Variants in KIAA1549 observed in about 807,000 individuals in gnomAD.
KIAA1549 encodes UPF0606 protein KIAA1549.
In KIAA1549, 70 loss-of-function variants were observed where a neutral mutation model predicts 156.4. The observed-to-expected ratio is 0.45, with a 90% CI of 0.37 to 0.55. The LOEUF (loss-of-function observed/expected upper bound fraction) is 0.55. KIAA1549 is among the 20% of genes least tolerant of loss of function. The pLI, the probability that KIAA1549 is intolerant of heterozygous loss-of-function variation, is 0.00. For missense variants in KIAA1549, 2,428 were observed against 2,540.9 expected, an observed-to-expected ratio of 0.96 and a Z score of 0.96; for synonymous variants, 1,103 against 1,066.4, an observed-to-expected ratio of 1.03 and a Z score of -0.67.
chr7:138,842,275 T>C (rs965578558), intron 18 of KIAA1549, among the ~76,000 whole-genome samples: 5 of 152,194 alleles, frequency 3.3e-5, no homozygotes, highest in East Asian at 1.9e-4. Flanking sequence ...TGAGTCAGCA[T>C]TGAGCCCAGC....
At position 138,837,548 on chromosome 7, in the gene KIAA1549, T is replaced by A; in HGVS notation, c.*358A>T. On this transcript the variant is annotated 3_prime_UTR_variant, in exon 20 of 20. Coordinates refer to ENST00000422774, the MANE Select transcript of KIAA1549 (RefSeq NM_001164665.2). ...ACCAGTCTCAATCCCACAGAAACGC[T>A]TGGTTCCTTTCATCCCTATGCTGTC... 2.7e-6 allele frequency: 1 copy of A among 373,706 alleles called. No individual in the cohort carries two copies. Among genetic ancestry groups the A allele is most frequent in the Non-Finnish European group, 4.8e-6 (1 of 209,186 alleles). 23.1% of individuals were successfully genotyped at this position (373,706 alleles called of 1,614,324 possible). A position where few individuals can be genotyped will look rare whatever the true frequency, so the allele number is the denominator to read the frequency against.
At chr7:138,903,869 G>A (rs965614680) in intron 7 of KIAA1549, 133 bp from the exon 8 acceptor site, 23 of 647,866 alleles carry the variant, frequency 3.6e-5, no homozygotes, top group Admixed American at 1.5e-4. Flanking sequence ...GCGCGCGCGC[G>A]CACATATGTA....
chr7:138,946,919 C>A (rs1231193906), intron 1 of KIAA1549, among the ~76,000 whole-genome samples: 2 of 152,210 alleles, frequency 1.3e-5, no homozygotes, highest in African/African-American at 2.4e-5. Context: ...AGACTCACTG[C>A]AGCTTTACTG....
At position 138,841,379 on chromosome 7, in the gene KIAA1549, C is replaced by T. The variant is rs929171955; in HGVS notation, c.5453-1101G>A. On this transcript the variant is annotated intron_variant, in intron 18 of 19. Coordinates refer to ENST00000422774, the MANE Select transcript of KIAA1549 (RefSeq NM_001164665.2). ...AACCACTCCCCCAGCCTCACTGGTG[C>T]GGTGAGCTGATGGCAGAGCCAGAGG... is the stretch of plus-strand genomic sequence containing the variant. Among the ~76,000 whole-genome samples, 7 of 152,254 alleles carry T rather than the reference C, an allele frequency of 4.6e-5. No homozygotes were observed. The South Asian group carries it at 1.0e-3, about 23-fold the overall frequency.
At chr7:138,894,199 A>G in intron 10 of KIAA1549, 143 bp downstream of exon 10, 1 of 755,352 alleles carries the variant, frequency 1.3e-6, no homozygotes, top group South Asian at 1.8e-5. Context: ...AACAAAGGCA[A>G]AGTGATACCA....
intron 1 of KIAA1549, among the ~76,000 whole-genome samples, chr7:138,936,547 C>T (rs376485620): frequency 2.0e-4 from 30 of 152,330 alleles, no homozygotes; most frequent in African/African-American, 7.0e-4. Context: ...TGCTTCTTCG[C>T]TCACTCTGGG....
At chr7:138,949,873 G>A (rs1430195569) in intron 1 of KIAA1549, among the ~76,000 whole-genome samples, 1 of 152,216 alleles carries the variant, frequency 6.6e-6, no homozygotes, top group Non-Finnish European at 1.5e-5. Flanking sequence ...GGCAATTCAC[G>A]CAATATCACG....
intron 1 of KIAA1549, among the ~76,000 whole-genome samples, chr7:138,925,874 TA>T (rs1246038835): frequency 1.4e-5 from 2 of 146,554 alleles, no homozygotes; most frequent in Non-Finnish European, 3.0e-5. Flanking sequence ...TAAACTATGT[TA>T]GAGTACAATT....
In KIAA1549 at chr7:138,861,301, A is replaced by G. The variant is rs1009885317; in HGVS notation, c.5085T>C (p.Phe1695=). The change falls in exon 16 of 20, where the codon TTT becomes TTC. Residue 1695 remains phenylalanine (F), a synonymous_variant. Transcript: ENST00000422774. ...QTMHSLLDDA[F]ALVAPSSQPA... is the part of the protein sequence containing the mutation. ...GCTGGCTGCTGGGGGCCACGAGGGC[A>G]AAGGCGTCGTCCAGGAGGGAGTGCA... 1.3e-4 allele frequency: 204 copies of G among 1,608,948 alleles called. No individual in the cohort carries two copies. Among genetic ancestry groups the G allele is most frequent in the Non-Finnish European group, 1.7e-4 (196 of 1,178,312 alleles).
chr7:138,978,037 C>T (rs879151481), intron 1 of KIAA1549, among the ~76,000 whole-genome samples: 1 of 152,120 alleles, frequency 6.6e-6, no homozygotes, highest in South Asian at 2.1e-4. Flanking sequence ...ATCAGCATTA[C>T]TTACAGCAAC....
intron 2 of KIAA1549, among the ~76,000 whole-genome samples, chr7:138,913,050 A>T (rs1812214951): frequency 6.6e-6 from 1 of 152,016 alleles, no homozygotes; most frequent in Non-Finnish European, 1.5e-5. Context: ...AATTTTTTGT[A>T]CTTTTAGTAG....
At chr7:138,875,059 T>C (rs1470704280) in intron 12 of KIAA1549, among the ~76,000 whole-genome samples, 1 of 152,192 alleles carries the variant, frequency 6.6e-6, no homozygotes, top group Non-Finnish European at 1.5e-5. Context: ...GTAGGCACTG[T>C]AGGGTAACTC....
In KIAA1549 at chr7:138,919,084, C is replaced by T; in HGVS notation, c.542G>A (p.Ser181Asn). 1 of 1,613,974 alleles carries T rather than the reference C, an allele frequency of 6.2e-7. No individual in the cohort carries two copies. Among genetic ancestry groups the T allele is most frequent in the South Asian group, 1.1e-5 (1 of 91,078 alleles). Residue 181 changes from serine (S) to asparagine (N), a missense_variant, in exon 2 of 20, where the codon AGC becomes AAC. Coordinates refer to ENST00000422774, the MANE Select transcript of KIAA1549 (RefSeq NM_001164665.2). ...TGCTTCCCTGGGCAGCCCTGGTGGG[C>T]TGACTGTGATATACTGTATTGGAGA... Reference protein sequence around the residue: ...MVSPIQYITVSPPGLPREALE... With the variant: ...MVSPIQYITVNPPGLPREALE...
chr7:138,909,415 TA>T (rs1273046599), intron 4 of KIAA1549, among the ~76,000 whole-genome samples: 1 of 152,212 alleles, frequency 6.6e-6, no homozygotes, highest in East Asian at 1.9e-4. Context: ...CAAACATATA[TA>T]AATTCATTGT....
chr7:138,879,712 T>G, intron 11 of KIAA1549, 59 bp from the exon 12 acceptor site: 10 of 1,116,194 alleles, frequency 9.0e-6, no homozygotes, highest in Non-Finnish European at 1.3e-5. Context: ...AAGGAAAAAG[T>G]CCCATTAATT....
Position 138,918,128 on chromosome 7 carries a change from T to G in KIAA1549, c.1498A>C (p.Ile500Leu), listed in dbSNP as rs756770232. ...IVPLSSRSME[I>L]SETSVGISAE... ...GAAATGCCAACACTCGTCTCTGAGA[T>G]TTCCATGGATCTAGAAGAAAGTGGG... Residue 500 changes from isoleucine (I) to leucine (L), a missense_variant, in exon 2 of 20, where the codon ATC becomes CTC. Transcript: ENST00000422774. This position sits in a 1 kb window ranked among gnomAD's most constrained non-coding sequence, Gnocchi z 4.2. The G allele has an allele frequency of 2.5e-6, 4 of 1,613,972 alleles. No homozygotes were observed. The highest frequency in any genetic ancestry group is 3.4e-6 in the Non-Finnish European group (4 of 1,179,896).
chr7:138,874,092 A>G (rs1263688939), intron 12 of KIAA1549, among the ~76,000 whole-genome samples: 1 of 148,142 alleles, frequency 6.8e-6, no homozygotes, highest in Non-Finnish European at 1.5e-5. Flanking sequence ...ATATATTAAT[A>G]AATATAATTA....
At chr7:138,858,965 C>A (rs982220314) in intron 16 of KIAA1549, among the ~76,000 whole-genome samples, 1 of 151,796 alleles carries the variant, frequency 6.6e-6, no homozygotes, top group African/African-American at 2.4e-5. Context: ...GACATTGTGC[C>A]ACTGCACTCC....
chr7:138,876,775 G>A (rs1336120113), intron 12 of KIAA1549, among the ~76,000 whole-genome samples: 2 of 152,160 alleles, frequency 1.3e-5, no homozygotes, highest in African/African-American at 4.8e-5. Flanking sequence ...GTTATGATTT[G>A]AGTTATTTTA....
Sources: allele counts gnomAD v4.1 joint callset (sites outside exome capture counted in the v4.1 genomes callset), GRCh38; gene constraint gnomAD v4.1.1; non-coding constraint Gnocchi (gnomAD v3.1); transcripts MANE v1.5; gene names NCBI Gene and HGNC (gene_info 2026-07-23, HGNC 2026-07-21).